MLXIPL: variants seen among roughly 807,000 people sequenced by gnomAD.
MLXIPL encodes the protein MLX interacting protein like, also known as carbohydrate-responsive element-binding protein.
A neutral mutation model predicts 81.5 loss-of-function variants in MLXIPL; 49 were observed. The observed-to-expected ratio is 0.60, with a 90% confidence interval of 0.48 to 0.76. The LOEUF is 0.76. Ranked by LOEUF, MLXIPL falls within the 30% of genes least tolerant of loss-of-function variation. The pLI, the probability that MLXIPL is intolerant of heterozygous loss-of-function variation, is 0.00. For synonymous variants in MLXIPL, 466 were observed against 485.5 expected (o/e 0.96, Z 0.53); for missense variants, 1,053 against 1,167.0 (o/e 0.90, Z 1.42).
rs782585615 is a variant in MLXIPL, at chr7:73,595,936, C to T, written c.2092G>A (p.Glu698Lys). 3.1e-6 allele frequency: 5 copies of T among 1,613,272 alleles called. No homozygotes were observed. Among genetic ancestry groups the T allele is most frequent in the Non-Finnish European group, 4.2e-6 (5 of 1,180,008 alleles). Residue 698 changes from glutamate (E) to lysine (K), a missense_variant, in exon 14 of 17, where the codon GAG becomes AAG. Glu to Lys is a moderately conservative substitution (Grantham distance 56, BLOSUM62 1). Around this residue, in one of 3 missense-constraint regions of MLXIPL, gnomAD observed 823 missense variants for 933.0 expected, o/e 0.88. Coordinates refer to ENST00000313375, the MANE Select transcript of MLXIPL (RefSeq NM_032951.3). The stretch of plus-strand genomic sequence containing the variant: ...TCCTGCTGTAGCATAAGGATGTACT[C>T]AGCTGTCTTCTGCAGCGTGGTAGCT... ...SKATTLQKTA[E>K]YILMLQQERA...
Position 73,597,216 on chromosome 7 carries a change from G to A in MLXIPL, c.1569C>T (p.Ser523=), listed in dbSNP as rs1554594496. 1.2e-6 allele frequency: 2 copies of A among 1,604,974 alleles called. No individual in the cohort carries two copies. Among genetic ancestry groups the A allele is most frequent in the African/African-American group, 2.7e-5 (2 of 74,768 alleles). The change falls in exon 9 of 17, where the codon AGC becomes AGT. Residue 523 remains serine, a synonymous_variant. Coordinates refer to ENST00000313375, the MANE Select transcript of MLXIPL (RefSeq NM_032951.3). ...GCAGCTGTGTGAGGCAGGGGTTGTT[G>A]CTCCCCGCAGTGGTGGGGGGACTGG... ...ATASPPTTAG[S]NNPCLTQLLT...
chr7:73,604,215 CAAAAAAAAAAAAAAAAA>C (rs55693159), intron 7 of MLXIPL, among the ~76,000 whole-genome samples: 3 of 50,000 alleles, frequency 6.0e-5, no homozygotes, highest in African/African-American at 2.6e-4. Flanking sequence ...GACTCCGTCT[CAAAAAAAAAAAAAAAAA>C]AAAAAAAAAA....
upstream of MLXIPL, among the ~76,000 whole-genome samples, chr7:73,625,305 C>T (rs564313527): frequency 1.3e-5 from 2 of 152,284 alleles, no homozygotes; most frequent in South Asian, 4.1e-4. Flanking sequence ...CTAACTCCTG[C>T]CCTTCACCTC....
At chr7:73,628,129 A>G (rs1796781959), upstream of MLXIPL, among the ~76,000 whole-genome samples, 1 of 152,014 alleles carries the variant, frequency 6.6e-6, no homozygotes, top group South Asian at 2.1e-4. Context: ...GCCTGAATTC[A>G]GTGATTTGTT....
the MLXIPL span, among the ~76,000 whole-genome samples, chr7:73,646,729 G>A: frequency 3.9e-5 from 6 of 152,146 alleles, no homozygotes; most frequent in Non-Finnish European, 7.4e-5. Context: ...TCCCTGGGGC[G>A]GACCTGAGAT....
At chr7:73,642,760 T>C in the MLXIPL span, among the ~76,000 whole-genome samples, 1 of 152,056 alleles carries the variant, frequency 6.6e-6, no homozygotes, top group Non-Finnish European at 1.5e-5. Flanking sequence ...CCTCCCAGAG[T>C]CCTGGGATTA....
chr7:73,614,341 G>A (rs1795875855), intron 2 of MLXIPL, among the ~76,000 whole-genome samples: 1 of 152,140 alleles, frequency 6.6e-6, no homozygotes, highest in African/African-American at 2.4e-5. Flanking sequence ...TATGTCACTT[G>A]CCTTCTGAGC....
In MLXIPL at chr7:73,596,897, A is replaced by C. The variant is rs1794372313; in HGVS notation, c.1639T>G (p.Ser547Ala). ...CCTGGGGACCGGAGGAGGGTGCTGG[A>C]TACAAGTGGTGGCTCCAGGGCTTGC... Reference protein sequence around the residue: ...PEQALEPPLVSSTLLRSPGSP... With the variant: ...PEQALEPPLVASTLLRSPGSP... The change falls in exon 10 of 17, where the codon TCC becomes GCC. Residue 547 changes from serine (S) to alanine (A), a missense_variant. Transcript: ENST00000313375. The surrounding 1 kb of genome is among the most constrained non-coding windows in gnomAD (Gnocchi z 4.7). 6.2e-7 allele frequency: 1 copy of C among 1,611,054 alleles called. No individual in the cohort carries two copies.
chr7:73,637,950 G>A, the MLXIPL span, among the ~76,000 whole-genome samples: 17 of 152,160 alleles, frequency 1.1e-4, no homozygotes, highest in Non-Finnish European at 1.9e-4. Context: ...TGGGGAACAC[G>A]CAGTGGCACC....
chr7:73,601,498 C>T (rs1554596239), intron 7 of MLXIPL, among the ~76,000 whole-genome samples: 5 of 151,952 alleles, frequency 3.3e-5, no homozygotes, highest in Non-Finnish European at 2.9e-5. Context: ...AAAGGAGGTG[C>T]CCAGAGAGAA....
rs782449028 is a variant in MLXIPL at position 73,607,286 on chromosome 7, C to T, written c.573+45G>A. ...TCCGAGGCGGGCGGTAGCCGGCAGC[C>T]GCAGGAGGAAAGCTCTGGGGCCTCC... On this transcript the variant is annotated intron_variant, in intron 4 of 16. Coordinates refer to ENST00000313375, the MANE Select transcript of MLXIPL (RefSeq NM_032951.3). 1.4e-5 allele frequency: 22 copies of T among 1,526,874 alleles called. No individual in the cohort carries two copies. The East Asian group carries it at 3.7e-4, about 26-fold the overall frequency. 94.6% of individuals were successfully genotyped at this position (1,526,874 alleles called of 1,614,324 possible).
In MLXIPL at chr7:73,607,651, G is replaced by T; in HGVS notation, c.422C>A (p.Pro141His). The change falls in exon 3 of 17, where the codon CCC becomes CAC. Residue 141 changes from proline to histidine, a missense_variant. Transcript: ENST00000313375. The stretch of plus-strand genomic sequence containing the variant: ...CAGGGGGGTCACGAAGCCACACACG[G>T]GGCTCTTCCTCCGCTTCACATCTGA... ...YIQYVKRRKS[P>H]VCGFVTPLQG... The T allele has an allele frequency of 6.2e-7, 1 of 1,613,404 alleles. No individual in the cohort carries two copies. The highest frequency in any genetic ancestry group is 8.5e-7 in the Non-Finnish European group (1 of 1,179,982).
At chr7:73,619,823 G>C (rs906747904) in intron 1 of MLXIPL, among the ~76,000 whole-genome samples, 2 of 150,850 alleles carry the variant, frequency 1.3e-5, no homozygotes, top group South Asian at 2.1e-4. Context: ...CCAGCTACTC[G>C]GGAGGCTGAG....
At chr7:73,622,902 T>C (rs1796471470) in intron 1 of MLXIPL, among the ~76,000 whole-genome samples, 1 of 151,622 alleles carries the variant, frequency 6.6e-6, no homozygotes, top group Non-Finnish European at 1.5e-5. Context: ...TGGGGTTGGG[T>C]GGGAAATGGG....
chr7:73,613,115 A>C (rs144027733), intron 2 of MLXIPL, among the ~76,000 whole-genome samples: 1 of 152,138 alleles, frequency 6.6e-6, no homozygotes, highest in Non-Finnish European at 1.5e-5. Flanking sequence ...CTTGAGCCCT[A>C]AGGCCCGACA....
rs201161936 is a variant in MLXIPL, at chr7:73,596,951, G to A, written c.1604-19C>T. The A allele has an allele frequency of 4.1e-5, 65 of 1,603,598 alleles. No homozygotes were observed. In the Middle Eastern group the frequency reaches 9.0e-4, roughly 22 times the overall value. On this transcript the variant is annotated intron_variant, in intron 9 of 16. Coordinates refer to ENST00000313375, the MANE Select transcript of MLXIPL (RefSeq NM_032951.3). The surrounding 1 kb of genome is among the most constrained non-coding windows in gnomAD (Gnocchi z 4.7). ...GGCTTAGCTGTGCACGGGCAGAACC[G>A]TGAGGCTACTGGGGCTGGCCCACCC...
At position 73,616,117 on chromosome 7, in the gene MLXIPL, G is replaced by GCCC; in HGVS notation, c.353_354insGGG (p.Asp118delinsGluGly). ...AGATGGCGTTGTTCAGGCGGATCTT[G>GCCC]TCTCTGCAGAGCAGCTTGAGGCCTT... On this transcript the variant is annotated protein_altering_variant, in exon 2 of 17. Coordinates refer to ENST00000313375, the MANE Select transcript of MLXIPL (RefSeq NM_032951.3). 1 of 1,614,064 alleles carries GCCC rather than the reference G, an allele frequency of 6.2e-7. No individual in the cohort carries two copies. The highest frequency in any genetic ancestry group is 8.5e-7 in the Non-Finnish European group (1 of 1,180,014).
chr7:73,620,577 G>GA lies in MLXIPL; in HGVS notation c.293+3622dup, dbSNP rs35474276. ...AACATGGTGAAACTCCACCTGTACT[G>GA]AAAAAAAAAAAAAAAAAAAGCCGGA... On this transcript the variant is annotated intron_variant, in intron 1 of 16. Coordinates refer to ENST00000313375, the MANE Select transcript of MLXIPL (RefSeq NM_032951.3). Among the ~76,000 whole-genome samples the GA allele has an allele frequency of 7.1e-3, 611 of 85,846 alleles. 2 individuals are homozygous for GA. The highest frequency in any genetic ancestry group is 7.8e-3 in the Non-Finnish European group (339 of 43,636). The allele number at this position is 85,846 out of a possible 152,430, so 56.3% of individuals were successfully genotyped here.
chr7:73,622,522 G>A (rs1355254801), intron 1 of MLXIPL, among the ~76,000 whole-genome samples: 1 of 150,398 alleles, frequency 6.6e-6, no homozygotes, highest in East Asian at 1.9e-4. Context: ...TTTTTTGGTA[G>A]AGACAGGTTC....
Sources: gnomAD v4.1 joint callset for allele counts (sites outside exome capture counted in the v4.1 genomes callset) on GRCh38, gnomAD v4.1.1 for gene constraint, gnomAD v4.1.1 regional missense constraint, Gnocchi (gnomAD v3.1) non-coding constraint, MANE v1.5 for transcripts, NCBI Gene and HGNC (gene_info 2026-07-23, HGNC 2026-07-21) for gene names.